RERG: variants seen among roughly 807,000 people sequenced by gnomAD.
The protein encoded by RERG is RAS like estrogen regulated growth inhibitor, also known as ras-related and estrogen-regulated growth inhibitor.
A neutral mutation model predicts 23.2 loss-of-function variants in RERG; 25 were observed. The ratio of observed to expected loss-of-function variants is 1.08; its 90% CI spans 0.79 to 1.50. The LOEUF (loss-of-function observed/expected upper bound fraction) is 1.50, where lower values mean the gene tolerates loss of function less well. RERG is among the 40% of genes most tolerant of loss of function. The pLI is 0.00. For missense variants in RERG, 253 were observed against 250.1 expected (o/e 1.01, Z -0.08); for synonymous variants, 81 against 89.1 (o/e 0.91, Z 0.51).
chr12:15,159,184 T>A (rs1864567890), intron 2 of RERG, among the ~76,000 whole-genome samples: 1 of 152,210 alleles, frequency 6.6e-6, no homozygotes, highest in Admixed American at 6.5e-5. Flanking sequence ...CCATGTATTC[T>A]TTTTTTGTTC....
chr12:15,122,014 A>G (rs902747638), intron 2 of RERG, among the ~76,000 whole-genome samples: 4 of 147,834 alleles, frequency 2.7e-5, no homozygotes, highest in African/African-American at 7.4e-5. Flanking sequence ...ATAGTTGAAA[A>G]CAGTGGTTTT....
At chr12:15,187,563 C>G (rs1007554731) in intron 2 of RERG, among the ~76,000 whole-genome samples, 3 of 146,450 alleles carry the variant, frequency 2.0e-5, no homozygotes, top group East Asian at 2.0e-4. Flanking sequence ...CTCTGAGAAC[C>G]TTTTTTTTTT....
At chr12:15,174,496 G>GTA (rs60183035) in intron 2 of RERG, among the ~76,000 whole-genome samples, 1,680 of 150,348 alleles carry the variant, frequency 0.011, 30 homozygotes, top group African/African-American at 0.038. Context: ...GTGTGTGTGT[G>GTA]TATATATATA....
intron 2 of RERG, among the ~76,000 whole-genome samples, chr12:15,170,511 T>A (rs1189594135): frequency 6.6e-6 from 1 of 152,234 alleles, no homozygotes. Flanking sequence ...GGATTACTGC[T>A]AGCAATTGCA....
intron 2 of RERG, among the ~76,000 whole-genome samples, chr12:15,198,424 C>T (rs1221121035): frequency 6.6e-6 from 1 of 152,112 alleles, no homozygotes; most frequent in Non-Finnish European, 1.5e-5. Flanking sequence ...TTTCCAAATG[C>T]TATTTTGAAC....
At chr12:15,178,715 C>T (rs147047620) in intron 2 of RERG, among the ~76,000 whole-genome samples, 19 of 152,264 alleles carry the variant, frequency 1.2e-4, no homozygotes, top group Non-Finnish European at 1.8e-4. Flanking sequence ...TTGACTCCTA[C>T]GAACCTCTAA....
intron 2 of RERG, among the ~76,000 whole-genome samples, chr12:15,213,333 T>G (rs1398084915): frequency 6.6e-6 from 1 of 152,216 alleles, no homozygotes; most frequent in Non-Finnish European, 1.5e-5. Flanking sequence ...TTTAATTACT[T>G]GGAGCTTGTC....
intron 2 of RERG, among the ~76,000 whole-genome samples, chr12:15,215,891 G>A (rs1001346764): frequency 5.3e-5 from 8 of 152,134 alleles, no homozygotes; most frequent in African/African-American, 1.4e-4. Flanking sequence ...GTACAGCTAC[G>A]TGGTTCTCTC....
intron 2 of RERG, among the ~76,000 whole-genome samples, chr12:15,200,429 T>C (rs1321100452): frequency 1.3e-5 from 2 of 152,100 alleles, no homozygotes; most frequent in Admixed American, 6.6e-5. Context: ...ATAGCAACCA[T>C]AAATGACAGT....
At chr12:15,118,329 T>G (rs146877305) in intron 3 of RERG, among the ~76,000 whole-genome samples, 1 of 152,192 alleles carries the variant, frequency 6.6e-6, no homozygotes, top group Admixed American at 6.5e-5. Context: ...ATATGTAGAA[T>G]GATGTTCATA....
chr12:15,175,533 A>G (rs1030453075), intron 2 of RERG, among the ~76,000 whole-genome samples: 3 of 151,980 alleles, frequency 2.0e-5, no homozygotes, highest in African/African-American at 4.8e-5. Context: ...ACAACCTTGC[A>G]TGTAAGTGCA....
chr12:15,188,385 T>C (rs578138481), intron 2 of RERG, among the ~76,000 whole-genome samples: 4 of 152,252 alleles, frequency 2.6e-5, no homozygotes, highest in Non-Finnish European at 4.4e-5. Flanking sequence ...TACAGATATA[T>C]TCAGAAAGTT....
intron 2 of RERG, among the ~76,000 whole-genome samples, chr12:15,200,714 C>A (rs1253546191): frequency 6.6e-6 from 1 of 151,874 alleles, no homozygotes; most frequent in Non-Finnish European, 1.5e-5. Flanking sequence ...TGTCTTCAAT[C>A]CAATATTTTG....
chr12:15,167,773 T>C (rs1370201489), intron 2 of RERG, among the ~76,000 whole-genome samples: 1 of 152,178 alleles, frequency 6.6e-6, no homozygotes, highest in African/African-American at 2.4e-5. Context: ...GTTTAACATT[T>C]CTAATAAAGA....
chr12:15,191,123 G>T (rs1423896680), intron 2 of RERG, among the ~76,000 whole-genome samples: 1 of 152,084 alleles, frequency 6.6e-6, no homozygotes, highest in Non-Finnish European at 1.5e-5. Flanking sequence ...CACTCAAGGA[G>T]AGAGGACAGG....
intron 2 of RERG, among the ~76,000 whole-genome samples, chr12:15,175,331 C>CTGTGTGTGTG (rs1231946873): frequency 9.2e-6 from 1 of 109,270 alleles, no homozygotes; most frequent in Non-Finnish European, 2.0e-5. Context: ...TACTCTCAGG[C>CTGTGTGTGTG]TCTGTGTGTG....
At chr12:15,158,946 A>T (rs548814081) in intron 2 of RERG, among the ~76,000 whole-genome samples, 9 of 152,322 alleles carry the variant, frequency 5.9e-5, no homozygotes, top group African/African-American at 1.4e-4. Flanking sequence ...TTTGTGGAAG[A>T]TATTCTGAAA....
chr12:15,125,167 T>C (rs781484625), intron 2 of RERG, among the ~76,000 whole-genome samples: 2 of 151,998 alleles, frequency 1.3e-5, no homozygotes, highest in Non-Finnish European at 2.9e-5. Flanking sequence ...GTTTGCCAAC[T>C]TTGGGACAAT....
chr12:15,194,544 A>C (rs1012741386), intron 2 of RERG, among the ~76,000 whole-genome samples: 1 of 151,454 alleles, frequency 6.6e-6, no homozygotes, highest in South Asian at 2.1e-4. Context: ...TGAAATCTCT[A>C]TTATGAATGC....
Sources: allele counts gnomAD v4.1 joint callset (sites outside exome capture counted in the v4.1 genomes callset), GRCh38; gene constraint gnomAD v4.1.1; transcripts MANE v1.5; gene names NCBI Gene and HGNC (gene_info 2026-07-23, HGNC 2026-07-21).